Variants in TMEM235 observed in about 807,000 individuals in gnomAD.
The protein encoded by TMEM235 is claudin-27.
Under a neutral mutation model 22.9 loss-of-function variants are expected in TMEM235, and 23 were observed. The ratio of observed to expected loss-of-function variants is 1.00; its 90% CI spans 0.72 to 1.42. TMEM235 has a LOEUF of 1.42. Among genes scored for constraint, TMEM235 ranks in the 40% most tolerant of loss-of-function variants. The probability of loss-of-function intolerance (pLI) is 0.00; values close to 1 mark genes in which losing one functional copy is unlikely to be tolerated. For synonymous variants in TMEM235, 137 were observed against 140.5 expected (o/e 0.98, Z 0.17); for missense variants, 308 against 299.5 (o/e 1.03, Z -0.21).
Position 78,235,762 on chromosome 17 carries a change from G to A in TMEM235, c.409+1032G>A, listed in dbSNP as rs575399175. Among the ~76,000 whole-genome samples, 444 of 152,030 alleles carry A rather than the reference G, an allele frequency of 2.9e-3. 5 individuals are homozygous for A. Among genetic ancestry groups the A allele is most frequent in the Middle Eastern group, 0.014 (4 of 290 alleles). On this transcript the variant is annotated intron_variant, in intron 4 of 5. Transcript: ENST00000421688. ...ACTACAGGCACCTGCCACCACGCCC[G>A]GCTAATTTTTTTGTATTTTTAGTAG...
Position 78,234,576 on chromosome 17 carries a change from A to G in TMEM235, c.272-17A>G. 6.5e-7 allele frequency: 1 copy of G among 1,535,628 alleles called. No individual in the cohort carries two copies. The highest frequency in any genetic ancestry group is 8.7e-7 in the Non-Finnish European group (1 of 1,146,490). On this transcript the variant is annotated splice_polypyrimidine_tract_variant and intron_variant, in intron 3 of 5. Coordinates refer to ENST00000421688, the Ensembl canonical transcript of TMEM235. ...CCACCTGGACCAGAATTCTCACCTG[A>G]GCCCCCTTTCCTGCAGTGCTGCACC...
At position 78,233,879 on chromosome 17, in the gene TMEM235, G is replaced by A; in HGVS notation, c.191-16G>A. On this transcript the variant is annotated splice_polypyrimidine_tract_variant and intron_variant, in intron 2 of 5. Transcript: ENST00000421688. ...ACAGCGTCCAGGCCCCAGGCTTCGA[G>A]GCCTATGTTTCCCAGGGCAGAACGG... The A allele has an allele frequency of 1.3e-6, 2 of 1,535,824 alleles. No individual in the cohort carries two copies. Among genetic ancestry groups the A allele is most frequent in the Non-Finnish European group, 1.7e-6 (2 of 1,146,792 alleles).
chr17:78,234,467 G>A (rs2076620267), intron 3 of TMEM235, 126 bp from the exon 3 acceptor site: 2 of 1,389,136 alleles, frequency 1.4e-6, no homozygotes, highest in Non-Finnish European at 2.0e-6. Context: ...GTCCAGTGGT[G>A]TCCACAGAGA....
chr17:78,240,322 G>A (rs1038261022), exon 6 of TMEM235: 52 of 216,760 alleles, frequency 2.4e-4, no homozygotes, highest in Non-Finnish European at 4.4e-4. Context: ...CTAGGGTGGC[G>A]CAGGGCTGGG....
At chr17:78,233,010 T>C (rs994767400) in intron 2 of TMEM235, among the ~76,000 whole-genome samples, 55 of 152,250 alleles carry the variant, frequency 3.6e-4, no homozygotes, top group African/African-American at 1.2e-3. Flanking sequence ...TGTATATGAG[T>C]GAGTGCATGT....
chr17:78,237,120 C>A lies in TMEM235; in HGVS notation c.410-1904C>A, dbSNP rs1269750691. Reference sequence around the variant, plus strand: ...GGTAGCTGGTGGATGGGTGGGGGTTCCACTGCGACTCCAGCCTCCCCAGGC... The same window carrying A: ...GGTAGCTGGTGGATGGGTGGGGGTTACACTGCGACTCCAGCCTCCCCAGGC... On this transcript the variant is annotated intron_variant, in intron 4 of 5. Coordinates refer to ENST00000421688, the Ensembl canonical transcript of TMEM235. This position sits in a 1 kb window ranked among gnomAD's most constrained non-coding sequence, Gnocchi z 4.7. 1.3e-5 allele frequency among the ~76,000 whole-genome samples: 2 copies of A among 152,084 alleles called. No individual in the cohort carries two copies. The highest frequency in any genetic ancestry group is 2.9e-5 in the Non-Finnish European group (2 of 67,988).
chr17:78,231,593 C>T, exon 2 of TMEM235: 1 of 1,303,852 alleles, frequency 7.7e-7, no homozygotes, highest in Non-Finnish European at 1.0e-6. Context: ...GGCCATCCTC[C>T]TGGGGTCGGT....
Position 78,237,140 on chromosome 17 carries a change from C to T in TMEM235, c.410-1884C>T, listed in dbSNP as rs2076653516. The stretch of plus-strand genomic sequence containing the variant: ...GGGTTCCACTGCGACTCCAGCCTCC[C>T]CAGGCAGAGGGGGCCTCCATCCTAG... On this transcript the variant is annotated intron_variant, in intron 4 of 5. Transcript: ENST00000421688. The surrounding 1 kb of genome is among the most constrained non-coding windows in gnomAD (Gnocchi z 4.7). 6.6e-6 allele frequency among the ~76,000 whole-genome samples: 1 copy of T among 152,084 alleles called. No individual in the cohort carries two copies. Among genetic ancestry groups the T allele is most frequent in the Admixed American group, 6.5e-5 (1 of 15,270 alleles).
intron 2 of TMEM235, among the ~76,000 whole-genome samples, chr17:78,232,522 C>A (rs2076594854): frequency 1.3e-5 from 2 of 152,334 alleles, no homozygotes; most frequent in South Asian, 4.1e-4. Context: ...TCATCCAAGT[C>A]ACCAGGGGTT....
At chr17:78,233,243 G>A (rs919474394) in intron 2 of TMEM235, among the ~76,000 whole-genome samples, 9 of 152,256 alleles carry the variant, frequency 5.9e-5, no homozygotes, top group African/African-American at 2.2e-4. Context: ...ATTCCAGAGC[G>A]AGGCTTCCCA....
At position 78,237,339 on chromosome 17, in the gene TMEM235, C is replaced by T. The variant is rs2076655442; in HGVS notation, c.410-1685C>T. Among the ~76,000 whole-genome samples, 1 of 152,108 alleles carries T rather than the reference C, an allele frequency of 6.6e-6. No individual in the cohort carries two copies. The highest frequency in any genetic ancestry group is 1.5e-5 in the Non-Finnish European group (1 of 68,006). The stretch of plus-strand genomic sequence containing the variant: ...TCCCTGAGACAGGATCTTGGGGGGC[C>T]TGGGGGACCGACAGGGCCCACGGTG... On this transcript the variant is annotated intron_variant, in intron 4 of 5. Transcript: ENST00000421688. This position sits in a 1 kb window ranked among gnomAD's most constrained non-coding sequence, Gnocchi z 4.7.
At chr17:78,233,967 A>C (rs1457244256) in exon 3 of TMEM235, 1 of 1,527,396 alleles carries the variant, frequency 6.5e-7, no homozygotes, top group Non-Finnish European at 8.8e-7. Context: ...TCGGTGCAGC[A>C]CCTCATCTGT....
chr17:78,239,342 G>A, intron 5 of TMEM235, 69 bp downstream of exon 4: 4 of 1,473,708 alleles, frequency 2.7e-6, no homozygotes, highest in Non-Finnish European at 3.6e-6. Flanking sequence ...CCCCTTGAGA[G>A]TCTGGGAATC....
exon 6 of TMEM235, chr17:78,239,788 A>C: frequency 6.5e-7 from 1 of 1,545,994 alleles, no homozygotes; most frequent in South Asian, 1.2e-5. Context: ...AGAGGGGGAG[A>C]CTGAGGCCCA....
chr17:78,233,422 T>C (rs909947997), intron 2 of TMEM235, among the ~76,000 whole-genome samples: 1 of 152,102 alleles, frequency 6.6e-6, no homozygotes, highest in African/African-American at 2.4e-5. Context: ...ATAAACAAGG[T>C]GAAGGCTGGG....
At chr17:78,232,925 AGTT>A (rs1267727514) in intron 2 of TMEM235, among the ~76,000 whole-genome samples, 1 of 152,036 alleles carries the variant, frequency 6.6e-6, no homozygotes, top group East Asian at 1.9e-4. Context: ...GAGTGTATGT[AGTT>A]GTGTGTGCAT....
intron 2 of TMEM235, among the ~76,000 whole-genome samples, chr17:78,233,673 G>GTGA (rs144855262): frequency 0.094 from 14,104 of 150,690 alleles, 984 homozygotes; most frequent in Middle Eastern, 0.21. Context: ...CCAGCCTGGG[G>GTGA]TGACAGAGCG....
intron 3 of TMEM235, 63 bp downstream of exon 2, chr17:78,234,038 C>A: frequency 7.6e-7 from 1 of 1,308,178 alleles, no homozygotes; most frequent in South Asian, 1.4e-5. Flanking sequence ...CAGATCCCAG[C>A]CATCCCCATC....
At chr17:78,231,766 G>A (rs2076581468) in exon 2 of TMEM235, 21 of 1,223,698 alleles carry the variant, frequency 1.7e-5, no homozygotes, top group Non-Finnish European at 2.1e-5. Context: ...CCAAGCCCCA[G>A]GTTCGCCGCG....
Sources: allele counts gnomAD v4.1 joint callset (sites outside exome capture counted in the v4.1 genomes callset), GRCh38; gene constraint gnomAD v4.1.1; non-coding constraint Gnocchi (gnomAD v3.1); transcripts MANE v1.5; gene names NCBI Gene and HGNC (gene_info 2026-07-23, HGNC 2026-07-21).